The following ADORA2B variants were observed in gnomAD, a reference collection of about 807,000 sequenced individuals.
ADORA2B encodes adenosine receptor A2b.
Under a neutral mutation model 20.8 loss-of-function variants are expected in ADORA2B, and 18 were observed. The ratio of observed to expected loss-of-function variants is 0.87; its 90% CI spans 0.60 to 1.29. The LOEUF is 1.29. Among genes scored for constraint, ADORA2B ranks in the 50% most tolerant of loss-of-function variants. ADORA2B has a pLI of 0.00. For synonymous variants in ADORA2B, 179 were observed against 178.3 expected, an observed-to-expected ratio of 1.00 and a Z score of -0.03; for missense variants, 441 against 422.7, an observed-to-expected ratio of 1.04 and a Z score of -0.38.
chr17:15,901,770 CTATTA>C, the ADORA2B span, among the ~76,000 whole-genome samples: 2 of 152,158 alleles, frequency 1.3e-5, no homozygotes, highest in African/African-American at 4.8e-5. Flanking sequence ...AGCACATGCC[CTATTA>C]TATTGTAATT....
intron 1 of ADORA2B, among the ~76,000 whole-genome samples, chr17:15,960,824 C>T (rs1337013116): frequency 2.7e-5 from 4 of 149,852 alleles, no homozygotes; most frequent in South Asian, 2.1e-4. Flanking sequence ...TGCAGTGAGC[C>T]GAGATCATGC....
At chr17:15,921,841 G>A in the ADORA2B span, among the ~76,000 whole-genome samples, 1 of 152,122 alleles carries the variant, frequency 6.6e-6, no homozygotes, top group African/African-American at 2.4e-5. Context: ...AAATGAAAAT[G>A]GCTGCCAGAG....
upstream of ADORA2B, among the ~76,000 whole-genome samples, chr17:15,944,256 C>CA (rs919814287): frequency 4.6e-5 from 7 of 152,060 alleles, no homozygotes; most frequent in Non-Finnish European, 1.0e-4. The surrounding 1 kb of genome is among the most constrained non-coding windows in gnomAD (Gnocchi z 4.8). Context: ...TTGGGGGCAC[C>CA]AGTCTCTCTC....
chr17:15,865,599 G>T, the ADORA2B span, among the ~76,000 whole-genome samples: 2 of 152,168 alleles, frequency 1.3e-5, no homozygotes, highest in African/African-American at 4.8e-5. Flanking sequence ...GAAGTGAAAA[G>T]TCACACAGTC....
At chr17:15,914,028 T>A in the ADORA2B span, among the ~76,000 whole-genome samples, 1 of 152,170 alleles carries the variant, frequency 6.6e-6, no homozygotes, top group Non-Finnish European at 1.5e-5. Flanking sequence ...TTCACTGTGC[T>A]CTTCTGATAG....
rs565069356 is a variant in ADORA2B at position 15,969,403 on chromosome 17, G to A, written c.336-5276G>A. On this transcript the variant is annotated intron_variant, in intron 1 of 1. Transcript: ENST00000304222. ...CAGGAGGCAGAGGTTGCAGTGAGCT[G>A]AGACGCGCCATTGCACTGCAGCCCT... 2.0e-5 allele frequency among the ~76,000 whole-genome samples: 3 copies of A among 152,300 alleles called. No homozygotes were observed. In the South Asian group the frequency reaches 6.2e-4, roughly 32 times the overall value.
the ADORA2B span, among the ~76,000 whole-genome samples, chr17:15,913,826 C>A: frequency 6.6e-6 from 1 of 152,200 alleles, no homozygotes; most frequent in East Asian, 1.9e-4. Context: ...CAGATCATTA[C>A]CCTCATATCA....
chr17:15,907,457 G>C, the ADORA2B span, among the ~76,000 whole-genome samples: 1 of 152,186 alleles, frequency 6.6e-6, no homozygotes, highest in Admixed American at 6.5e-5. Context: ...TAACCACAGA[G>C]GAATCCAAAT....
chr17:15,854,983 G>A, the ADORA2B span, among the ~76,000 whole-genome samples: 1 of 150,666 alleles, frequency 6.6e-6, no homozygotes, highest in African/African-American at 2.4e-5. Flanking sequence ...TGGCTAGAGT[G>A]CAATGGCACC....
the ADORA2B span, among the ~76,000 whole-genome samples, chr17:15,865,165 A>G: frequency 6.6e-6 from 1 of 152,240 alleles, no homozygotes; most frequent in African/African-American, 2.4e-5. Context: ...TCTGTTCAGA[A>G]AAGGAATTAA....
chr17:15,973,342 A>G (rs757025741), intron 1 of ADORA2B, among the ~76,000 whole-genome samples: 1 of 152,152 alleles, frequency 6.6e-6, no homozygotes, highest in Non-Finnish European at 1.5e-5. Flanking sequence ...CATACCACAT[A>G]TATCTCCATA....
the ADORA2B span, among the ~76,000 whole-genome samples, chr17:15,863,823 A>T: frequency 3.9e-5 from 6 of 152,200 alleles, no homozygotes; most frequent in African/African-American, 1.4e-4. Flanking sequence ...TTTTAAAACA[A>T]AATGTAGCAA....
chr17:15,963,522 C>T (rs1970065066), intron 1 of ADORA2B, among the ~76,000 whole-genome samples: 1 of 152,154 alleles, frequency 6.6e-6, no homozygotes, highest in Non-Finnish European at 1.5e-5. Context: ...GACAGAGTGT[C>T]CTGTTATCTT....
At chr17:15,930,787 C>G in the ADORA2B span, among the ~76,000 whole-genome samples, 352 of 152,334 alleles carry the variant, frequency 2.3e-3, 2 homozygotes, top group African/African-American at 8.2e-3. Flanking sequence ...TGACCTCAGT[C>G]TCAAGTGCCA....
chr17:15,925,486 A>C, the ADORA2B span, among the ~76,000 whole-genome samples: 1 of 152,184 alleles, frequency 6.6e-6, no homozygotes, highest in African/African-American at 2.4e-5. Flanking sequence ...CTATTTATAA[A>C]TAGTAATCTA....
Position 15,974,779 on chromosome 17 carries a change from A to T in ADORA2B, c.436A>T (p.Ser146Cys). Reference sequence around the variant, plus strand: ...ATTGACTCCATTCCTGGGGTGGAACAGTAAAGACAGTGCCACCAACAACTG... The same window carrying T: ...ATTGACTCCATTCCTGGGGTGGAACTGTAAAGACAGTGCCACCAACAACTG... ...IGLTPFLGWNSKDSATNNCTE... is the reference protein window; with the variant it reads ...IGLTPFLGWNCKDSATNNCTE... The change falls in exon 2 of 2, where the codon AGT becomes TGT. Residue 146 changes from serine (S) to cysteine (C), a missense_variant. Coordinates refer to ENST00000304222, the MANE Select transcript of ADORA2B (RefSeq NM_000676.4). 1 of 1,613,868 alleles carries T rather than the reference A, an allele frequency of 6.2e-7. No homozygotes were observed. Among genetic ancestry groups the T allele is most frequent in the South Asian group, 1.1e-5 (1 of 91,058 alleles).
chr17:15,930,857 T>A, the ADORA2B span, among the ~76,000 whole-genome samples: 1 of 152,374 alleles, frequency 6.6e-6, no homozygotes, highest in South Asian at 2.1e-4. Flanking sequence ...CAGTGTCTGC[T>A]AAAATCCATA....
chr17:15,968,657 G>A (rs971309491), intron 1 of ADORA2B, among the ~76,000 whole-genome samples: 3 of 152,332 alleles, frequency 2.0e-5, no homozygotes, highest in Non-Finnish European at 4.4e-5. Flanking sequence ...GCAGTTTGGG[G>A]CGAAATTGGA....
the ADORA2B span, among the ~76,000 whole-genome samples, chr17:15,865,678 C>A: frequency 2.0e-5 from 3 of 151,702 alleles, no homozygotes; most frequent in Non-Finnish European, 4.4e-5. Context: ...CCCATCATAA[C>A]CCCTCACTAC....
Sources: gnomAD v4.1 joint callset for allele counts (sites outside exome capture counted in the v4.1 genomes callset) on GRCh38, gnomAD v4.1.1 for gene constraint, Gnocchi (gnomAD v3.1) non-coding constraint, MANE v1.5 for transcripts, NCBI Gene and HGNC (gene_info 2026-07-23, HGNC 2026-07-21) for gene names.